PPAN: variants seen among roughly 807,000 people sequenced by gnomAD.
PPAN encodes the protein peter pan homolog.
A neutral mutation model predicts 48.5 loss-of-function variants in PPAN; 39 were observed. The ratio of observed to expected loss-of-function variants is 0.80; its 90% CI spans 0.62 to 1.05. The LOEUF is 1.05. Among genes scored for constraint, PPAN ranks in the 50% least tolerant of loss-of-function variants. PPAN has a pLI of 0.00. For missense variants in PPAN, 736 were observed against 661.7 expected (o/e 1.11, Z -1.23); for synonymous variants, 315 against 268.6 (o/e 1.17, Z -1.69).
intron 3 of PPAN, 35 bp downstream of exon 3, chr19:10,107,641 A>G (rs1599304968): frequency 1.9e-6 from 3 of 1,596,454 alleles, no homozygotes; most frequent in Admixed American, 1.7e-5. Context: ...TCTCCCCCAG[A>G]CCCCCCCTTC....
intron 2 of PPAN, 31 bp from the exon 3 acceptor site, chr19:10,107,474 T>C (rs754324795): frequency 1.9e-6 from 3 of 1,607,786 alleles, no homozygotes; most frequent in East Asian, 4.5e-5. Context: ...GGATAAGCTA[T>C]GTTTTCTTTT....
At position 10,110,550 on chromosome 19, in the gene PPAN, G is replaced by A. The variant is rs773735205; in HGVS notation, c.967G>A (p.Ala323Thr). 9 of 1,609,828 alleles carry A rather than the reference G, an allele frequency of 5.6e-6. No homozygotes were observed. The highest frequency in any genetic ancestry group is 7.6e-6 in the Non-Finnish European group (9 of 1,178,752). ...CAAGGAGAAGAAGCTGCGGCTGAAG[G>A]CGCAGAGGCAGGCCCAGCAGGCCCA... Reference protein sequence around the residue: ...EAKEKKLRLKAQRQAQQAQNV... With the variant: ...EAKEKKLRLKTQRQAQQAQNV... Residue 323 changes from alanine (A) to threonine (T), a missense_variant, in exon 10 of 12, where the codon GCG becomes ACG. Coordinates refer to ENST00000253107, the MANE Select transcript of PPAN (RefSeq NM_020230.7). This position sits in a 1 kb window ranked among gnomAD's most constrained non-coding sequence, Gnocchi z 5.9.
chr19:10,106,671 G>A lies in PPAN; in HGVS notation c.189G>A (p.Gln63=), dbSNP rs775075029. Residue 63 remains glutamine, a splice_region_variant and synonymous_variant, in exon 2 of 12, where the codon CAG becomes CAA. Coordinates refer to ENST00000253107, the MANE Select transcript of PPAN (RefSeq NM_020230.7). ...VMEPLTASRL[Q]VRKKNSLKDC... ...AGCCGCTCACTGCCAGCCGTCTGCA[G>A]GTTTGTACCCCACCCCCAGCCCGCC... 6 of 1,528,988 alleles carry A rather than the reference G, an allele frequency of 3.9e-6. No individual in the cohort carries two copies. The highest frequency in any genetic ancestry group is 5.3e-6 in the Non-Finnish European group (6 of 1,133,902). The allele number at this position is 1,528,988 out of a possible 1,614,324, so 94.7% of individuals were successfully genotyped here.
chr19:10,111,167 C>G lies in PPAN; in HGVS notation c.*2C>G. On this transcript the variant is annotated 3_prime_UTR_variant, in exon 12 of 12. Transcript: ENST00000253107. ...CGCCCAGGGAAGAGAGTGGCCTGAG[C>G]CCAAGCCGCACCGGAGCAGCGGCTG... 6.4e-7 allele frequency: 1 copy of G among 1,571,080 alleles called. No homozygotes were observed. Among genetic ancestry groups the G allele is most frequent in the Non-Finnish European group, 8.6e-7 (1 of 1,160,984 alleles).
Position 10,106,801 on chromosome 19 carries a change from G to A in PPAN, c.189+130G>A, listed in dbSNP as rs112406563. On this transcript the variant is annotated intron_variant, in intron 2 of 11. Coordinates refer to ENST00000253107, the MANE Select transcript of PPAN (RefSeq NM_020230.7). ...AGCTGGAAAAAAAGACCCTCATGGG[G>A]AGCATCATTTCTGCCTTTCAGGGCT... 1.5e-5 allele frequency: 20 copies of A among 1,377,896 alleles called. 1 individual carries two copies. The African/African-American group carries it at 2.2e-4, about 15-fold the overall frequency. The allele number at this position is 1,377,896 out of a possible 1,614,324, so 85.4% of individuals were successfully genotyped here.
chr19:10,109,593 T>G (rs930414144), intron 5 of PPAN, 38 bp from the exon 6 acceptor site: 6 of 1,580,834 alleles, frequency 3.8e-6, no homozygotes, highest in Non-Finnish European at 5.2e-6. Flanking sequence ...AACTTTGCCA[T>G]GAGTCTACTG....
chr19:10,111,365 C>T lies in PPAN; in HGVS notation c.*200C>T, dbSNP rs1463963614. The T allele has an allele frequency of 2.4e-5, 17 of 712,744 alleles. No homozygotes were observed. The highest frequency in any genetic ancestry group is 1.5e-4 in the Admixed American group (5 of 33,936). The allele number at this position is 712,744 out of a possible 1,614,324, so 44.2% of individuals were successfully genotyped here. On this transcript the variant is annotated 3_prime_UTR_variant, in exon 12 of 12. Coordinates refer to ENST00000253107, the MANE Select transcript of PPAN (RefSeq NM_020230.7). ...CAAAGCAACCCAGAGAGTCCTGGGC[C>T]GGCCACACCCGAGAGTCCCTCCCAC...
chr19:10,108,233 C>T (rs2088907725), intron 5 of PPAN, 99 bp downstream of exon 5: 17 of 1,473,250 alleles, frequency 1.2e-5, no homozygotes, highest in Non-Finnish European at 1.5e-5. Flanking sequence ...AGCGCTGAGA[C>T]TGGGAGCTCC....
At position 10,111,687 on chromosome 19, in the gene PPAN, G is replaced by C. The variant is rs756634889; in HGVS notation, c.*522G>C. The C allele has an allele frequency of 8.5e-5, 137 of 1,613,528 alleles. 1 individual carries two copies. Among genetic ancestry groups the C allele is most frequent in the Middle Eastern group, 1.6e-4 (1 of 6,078 alleles). On this transcript the variant is annotated 3_prime_UTR_variant, in exon 12 of 12. Coordinates refer to ENST00000253107, the MANE Select transcript of PPAN (RefSeq NM_020230.7). ...GACTGGGGGAGGGGCTGGGGAACTG[G>C]GTAGCAGACACAGGCTGAGGATCGG...
chr19:10,110,681 C>T lies in PPAN; in HGVS notation c.1032-16C>T, dbSNP rs2089022748. The stretch of plus-strand genomic sequence containing the variant: ...CTGGGATGGGCGGCTATGTTGACCC[C>T]CACGCCCTCCTCCAGAAAGAAGAGC... On this transcript the variant is annotated splice_polypyrimidine_tract_variant and intron_variant, in intron 10 of 11. Transcript: ENST00000253107. The surrounding 1 kb of genome is among the most constrained non-coding windows in gnomAD (Gnocchi z 5.9). 1 of 1,612,892 alleles carries T rather than the reference C, an allele frequency of 6.2e-7. No homozygotes were observed. The highest frequency in any genetic ancestry group is 2.2e-5 in the East Asian group (1 of 44,840).
chr19:10,110,883 G>C lies in PPAN; in HGVS notation c.1201+17G>C. On this transcript the variant is annotated intron_variant, in intron 11 of 11. Coordinates refer to ENST00000253107, the MANE Select transcript of PPAN (RefSeq NM_020230.7). This position sits in a 1 kb window ranked among gnomAD's most constrained non-coding sequence, Gnocchi z 5.9. ...CCAGTGAGGGTATGGAGTGGGGTCTGCAGCAGGGCACCCAGAGCCTGTCCT... is the reference window on the plus strand; with the variant it reads ...CCAGTGAGGGTATGGAGTGGGGTCTCCAGCAGGGCACCCAGAGCCTGTCCT... The C allele has an allele frequency of 5.0e-6, 8 of 1,613,532 alleles. No homozygotes were observed. Among genetic ancestry groups the C allele is most frequent in the Non-Finnish European group, 6.8e-6 (8 of 1,179,932 alleles).
intron 5 of PPAN, 42 bp from the exon 6 acceptor site, chr19:10,109,589 G>T: frequency 6.4e-7 from 1 of 1,573,614 alleles, no homozygotes. Context: ...CCCAAACTTT[G>T]CCATGAGTCT....
In PPAN at chr19:10,110,445, G is replaced by C. The variant is rs1170846973; in HGVS notation, c.902-40G>C. The C allele has an allele frequency of 1.9e-6, 3 of 1,612,518 alleles. No homozygotes were observed. The highest frequency in any genetic ancestry group is 1.7e-6 in the Non-Finnish European group (2 of 1,179,686). On this transcript the variant is annotated intron_variant, in intron 9 of 11. Transcript: ENST00000253107. This position sits in a 1 kb window ranked among gnomAD's most constrained non-coding sequence, Gnocchi z 5.9. ...GGGGGTGGGGGGTCATGGGTGTGGA[G>C]CTGCACCCGGATCTTGGTGACCCGC...
chr19:10,111,287 G>A lies in PPAN; in HGVS notation c.*122G>A. On this transcript the variant is annotated 3_prime_UTR_variant, in exon 12 of 12. Transcript: ENST00000253107. ...AGCCCTTCCACTCCAGTAAAGAACT[G>A]AATTGGCCAGGGGTCCACGTCAGCG... is the stretch of plus-strand genomic sequence containing the variant. The A allele has an allele frequency of 8.5e-7, 1 of 1,183,150 alleles. No homozygotes were observed. Among genetic ancestry groups the A allele is most frequent in the Non-Finnish European group, 1.2e-6 (1 of 869,568 alleles). 73.3% of individuals were successfully genotyped at this position (1,183,150 alleles called of 1,614,324 possible).
In PPAN at chr19:10,108,045, G is replaced by T. The variant is rs1338009584; in HGVS notation, c.424G>T (p.Val142Leu). The change falls in exon 5 of 12, where the codon GTA (valine) becomes TTA (leucine). Residue 142 changes from valine (V) to leucine (L), a missense_variant. Physicochemically the swap from Val to Leu is conservative, Grantham distance 32. Transcript: ENST00000253107. ...EQQFAHPPLLVLNSFGPHGMH... is the reference protein window; with the variant it reads ...EQQFAHPPLLLLNSFGPHGMH... ...GCAGTTTGCCCACCCACCCCTCCTG[G>T]TACTCAACAGCTTTGGCCCCCATGG... The T allele has an allele frequency of 6.2e-7, 1 of 1,614,070 alleles. No homozygotes were observed. The highest frequency in any genetic ancestry group is 1.1e-5 in the South Asian group (1 of 91,066).
In PPAN at chr19:10,108,154, G is replaced by A; in HGVS notation, c.513+20G>A. 6.3e-7 allele frequency: 1 copy of A among 1,597,464 alleles called. No homozygotes were observed. Among genetic ancestry groups the A allele is most frequent in the Non-Finnish European group, 8.5e-7 (1 of 1,171,200 alleles). On this transcript the variant is annotated intron_variant, in intron 5 of 11. Coordinates refer to ENST00000253107, the MANE Select transcript of PPAN (RefSeq NM_020230.7). ...CACAAGGTGGGTCTGGCCTGGCGAG[G>A]TGGCAGGTATGGGGGGGTGCAGCGG...
Position 10,111,335 on chromosome 19 carries a change from C to A in PPAN, c.*170C>A. The A allele has an allele frequency of 1.2e-6, 1 of 861,010 alleles. No homozygotes were observed. Among genetic ancestry groups the A allele is most frequent in the Non-Finnish European group, 1.7e-6 (1 of 576,464 alleles). The allele number at this position is 861,010 out of a possible 1,614,324, so 53.3% of individuals were successfully genotyped here. A position where few individuals can be genotyped will look rare whatever the true frequency, so the allele number is the denominator to read the frequency against. The stretch of plus-strand genomic sequence containing the variant: ...GCGTTTGGGATGGGGGATTCTGGAG[C>A]CATACAAAGCAACCCAGAGAGTCCT... On this transcript the variant is annotated 3_prime_UTR_variant, in exon 12 of 12. Coordinates refer to ENST00000253107, the MANE Select transcript of PPAN (RefSeq NM_020230.7).
chr19:10,110,861 G>C lies in PPAN; in HGVS notation c.1196G>C (p.Ser399Thr). Reference protein sequence around the residue: ...YFCQAVGEAPSEDLFPEAKQK... With the variant: ...YFCQAVGEAPTEDLFPEAKQK... Reference sequence around the variant, plus strand: ...TGCCAGGCGGTGGGCGAGGCGCCCAGTGAGGGTATGGAGTGGGGTCTGCAG... The same window carrying C: ...TGCCAGGCGGTGGGCGAGGCGCCCACTGAGGGTATGGAGTGGGGTCTGCAG... The change falls in exon 11 of 12, where the codon AGT becomes ACT. Residue 399 changes from serine (S) to threonine (T), a missense_variant. Coordinates refer to ENST00000253107, the MANE Select transcript of PPAN (RefSeq NM_020230.7). This position sits in a 1 kb window ranked among gnomAD's most constrained non-coding sequence, Gnocchi z 5.9. 1 of 1,613,476 alleles carries C rather than the reference G, an allele frequency of 6.2e-7. No individual in the cohort carries two copies. Among genetic ancestry groups the C allele is most frequent in the Non-Finnish European group, 8.5e-7 (1 of 1,179,882 alleles).
chr19:10,107,643 C>G lies in PPAN; in HGVS notation c.291+37C>G, dbSNP rs755531569. 7.5e-6 allele frequency: 12 copies of G among 1,609,304 alleles called. No individual in the cohort carries two copies. The African/African-American group carries it at 1.2e-4, about 16-fold the overall frequency. Reference sequence around the variant, plus strand: ...CCCTCACCCTTCATCTCCCCCAGACCCCCCCTTCCCCTATCTCTCATGATG... The same window carrying G: ...CCCTCACCCTTCATCTCCCCCAGACGCCCCCTTCCCCTATCTCTCATGATG... On this transcript the variant is annotated intron_variant, in intron 3 of 11. Transcript: ENST00000253107.
Sources: allele counts gnomAD v4.1 joint callset, GRCh38; gene constraint gnomAD v4.1.1; non-coding constraint Gnocchi (gnomAD v3.1); transcripts MANE v1.5; gene names NCBI Gene and HGNC (gene_info 2026-07-23, HGNC 2026-07-21).